Variants in STARD13 observed in about 807,000 individuals in gnomAD.
STARD13 encodes the protein StAR related lipid transfer domain containing 13, also known as stAR-related lipid transfer protein 13.
Under a neutral mutation model 106.4 loss-of-function variants are expected in STARD13, and 62 were observed. The ratio of observed to expected loss-of-function variants is 0.58; its 90% CI spans 0.48 to 0.72. The LOEUF (loss-of-function observed/expected upper bound fraction) is 0.72. Among genes scored for constraint, STARD13 ranks in the 30% least tolerant of loss-of-function variants. The pLI, the probability that STARD13 is intolerant of heterozygous loss-of-function variation, is 0.00. For missense variants in STARD13, 1,387 were observed against 1,424.0 expected (o/e 0.97, Z 0.42); for synonymous variants, 565 against 553.0 (o/e 1.02, Z -0.31).
intron 3 of STARD13, among the ~76,000 whole-genome samples, chr13:33,153,639 C>T (rs1169268665): frequency 6.6e-6 from 1 of 152,202 alleles, no homozygotes; most frequent in Non-Finnish European, 1.5e-5. Context: ...CAATAGGACT[C>T]TCTCCTTCTT....
intron 1 of STARD13, among the ~76,000 whole-genome samples, chr13:33,304,743 C>A (rs892254574): frequency 3.3e-5 from 5 of 152,080 alleles, no homozygotes; most frequent in Admixed American, 6.6e-5. Flanking sequence ...ACAAGTGAAC[C>A]CCCTAAAACA....
In STARD13 at chr13:33,127,605, A is replaced by T; in HGVS notation, c.1749-59T>A. On this transcript the variant is annotated intron_variant, in intron 5 of 13. Transcript: ENST00000336934. ...CAAAGTGGACTTGGTAGCGGGAAAC[A>T]CGGGACATCACCAAGGTACACGCAG... The T allele has an allele frequency of 4.1e-6, 6 of 1,474,146 alleles. No individual in the cohort carries two copies. In the South Asian group the frequency reaches 6.6e-5, roughly 16 times the overall value. 91.3% of individuals were successfully genotyped at this position (1,474,146 alleles called of 1,614,324 possible).
intron 1 of STARD13, among the ~76,000 whole-genome samples, chr13:33,258,177 C>G (rs929052827): frequency 3.3e-5 from 5 of 152,212 alleles, no homozygotes; most frequent in Non-Finnish European, 7.3e-5. Context: ...AAGCATCTTC[C>G]TCTGGCTTGA....
rs1229710219 is a variant in STARD13 at position 33,181,263 on chromosome 13, CACAT to C, written c.170-13645_170-13642del. Among the ~76,000 whole-genome samples the C allele has an allele frequency of 2.1e-3, 288 of 135,602 alleles. 1 individual carries two copies. Among genetic ancestry groups the C allele is most frequent in the African/African-American group, 6.5e-3 (257 of 39,800 alleles). The allele number at this position is 135,602 out of a possible 152,430, so 89.0% of individuals were successfully genotyped here. A position where few individuals can be genotyped will look rare whatever the true frequency, so the allele number is the denominator to read the frequency against. ...ATATTCTATCTCTGTCTTTCACTCA[CACAT>C]ACATACACACACACACACACACACA... is the stretch of plus-strand genomic sequence containing the variant. On this transcript the variant is annotated intron_variant, in intron 1 of 13. Coordinates refer to ENST00000336934, the MANE Select transcript of STARD13 (RefSeq NM_178006.4).
intron 1 of STARD13, among the ~76,000 whole-genome samples, chr13:33,279,289 G>A (rs1431937110): frequency 6.6e-6 from 1 of 152,144 alleles, no homozygotes; most frequent in Non-Finnish European, 1.5e-5. Flanking sequence ...AGCAGTGACT[G>A]TTTTTTCTAA....
chr13:33,628,760 A>G, the STARD13 span, among the ~76,000 whole-genome samples: 1 of 152,156 alleles, frequency 6.6e-6, no homozygotes. Context: ...TAGGGGATGA[A>G]CAGAGACTTT....
intron 1 of STARD13, among the ~76,000 whole-genome samples, chr13:33,220,119 G>T (rs936918174): frequency 6.6e-6 from 1 of 152,136 alleles, no homozygotes; most frequent in Non-Finnish European, 1.5e-5. Context: ...TCTTCAGTGG[G>T]TAGAGCACTG....
chr13:33,555,092 A>G, the STARD13 span, among the ~76,000 whole-genome samples: 1 of 152,202 alleles, frequency 6.6e-6, no homozygotes, highest in African/African-American at 2.4e-5. Context: ...TTCTGAGATA[A>G]CTAAGAAAGG....
intron 1 of STARD13, among the ~76,000 whole-genome samples, chr13:33,252,662 G>T (rs1437154736): frequency 6.6e-6 from 1 of 152,202 alleles, no homozygotes; most frequent in Non-Finnish European, 1.5e-5. Context: ...AATTACGGAA[G>T]AATTGCTCGA....
At chr13:33,563,330 A>G in the STARD13 span, among the ~76,000 whole-genome samples, 3 of 147,258 alleles carry the variant, frequency 2.0e-5, no homozygotes, top group Non-Finnish European at 4.5e-5. Flanking sequence ...TTCAAAATAG[A>G]CTATAAAGCT....
chr13:33,156,295 CCTT>C (rs1370451651), intron 3 of STARD13, among the ~76,000 whole-genome samples: 2 of 152,188 alleles, frequency 1.3e-5, no homozygotes, highest in Admixed American at 6.5e-5. Flanking sequence ...GGGCACGGCT[CCTT>C]CTTTTGAGCG....
intron 7 of STARD13, among the ~76,000 whole-genome samples, chr13:33,124,775 G>A (rs1876903520): frequency 6.6e-6 from 1 of 152,156 alleles, no homozygotes; most frequent in African/African-American, 2.4e-5. Flanking sequence ...CTATTGGGAT[G>A]TGATTCACAA....
chr13:33,655,330 T>A, the STARD13 span, among the ~76,000 whole-genome samples: 39 of 152,352 alleles, frequency 2.6e-4, no homozygotes, highest in Admixed American at 1.6e-3. Context: ...AGGAAAAATA[T>A]AATTATTGGC....
the STARD13 span, among the ~76,000 whole-genome samples, chr13:33,546,526 T>A: frequency 6.6e-6 from 1 of 152,238 alleles, no homozygotes; most frequent in African/African-American, 2.4e-5. Flanking sequence ...AATCTCAAAC[T>A]GCCTATAATT....
intron 1 of STARD13, among the ~76,000 whole-genome samples, chr13:33,172,595 G>A (rs1884093599): frequency 6.6e-6 from 1 of 152,176 alleles, no homozygotes; most frequent in South Asian, 2.1e-4. Context: ...AAGCTGGTGT[G>A]TCTAGCGTGC....
chr13:33,613,612 A>C, the STARD13 span, among the ~76,000 whole-genome samples: 7 of 152,194 alleles, frequency 4.6e-5, no homozygotes, highest in Non-Finnish European at 2.9e-5. Flanking sequence ...TTGAGTGGAT[A>C]ACCAAGCACC....
the STARD13 span, among the ~76,000 whole-genome samples, chr13:33,656,487 ATTAGG>A: frequency 4.6e-3 from 706 of 152,336 alleles, 3 homozygotes; most frequent in African/African-American, 0.016. Context: ...CTCATAAAAA[ATTAGG>A]TTATGAGTTT....
chr13:33,427,200 G>A, the STARD13 span, among the ~76,000 whole-genome samples: 188 of 152,260 alleles, frequency 1.2e-3, 1 homozygote, highest in African/African-American at 4.2e-3. Flanking sequence ...AAAATGAGAC[G>A]TACACAGATG....
At chr13:33,645,840 G>A in the STARD13 span, among the ~76,000 whole-genome samples, 1 of 152,232 alleles carries the variant, frequency 6.6e-6, no homozygotes, top group Admixed American at 6.5e-5. Flanking sequence ...AAGCCAGGGT[G>A]TCACTTAAGG....
Sources: gnomAD v4.1 joint callset for allele counts (sites outside exome capture counted in the v4.1 genomes callset) on GRCh38, gnomAD v4.1.1 for gene constraint, MANE v1.5 for transcripts, NCBI Gene and HGNC (gene_info 2026-07-23, HGNC 2026-07-21) for gene names.